Variants in GNL2 observed in about 807,000 individuals in gnomAD.
The protein encoded by GNL2 is nucleolar GTP-binding protein 2.
A neutral mutation model predicts 92.3 loss-of-function variants in GNL2; 51 were observed. The ratio of observed to expected loss-of-function variants is 0.55; its 90% CI spans 0.44 to 0.70. The LOEUF is 0.70. Among genes scored for constraint, GNL2 ranks in the 30% least tolerant of loss-of-function variants. The pLI, the probability that GNL2 is intolerant of heterozygous loss-of-function variation, is 0.00. For missense variants in GNL2, 844 were observed against 895.6 expected (o/e 0.94, Z 0.74); for synonymous variants, 283 against 300.6 (o/e 0.94, Z 0.61).
intron 7 of GNL2, 134 bp downstream of exon 7, chr1:37,582,644 A>C (rs1430876367): frequency 6.5e-6 from 5 of 771,490 alleles, no homozygotes; most frequent in Non-Finnish European, 1.0e-5. Context: ...ATCAATGAGC[A>C]CACTTTCGTG....
chr1:37,574,326 GC>G lies in GNL2; in HGVS notation c.1416+16del. 6.4e-7 allele frequency: 1 copy of G among 1,567,854 alleles called. No homozygotes were observed. Among genetic ancestry groups the G allele is most frequent in the Non-Finnish European group, 8.8e-7 (1 of 1,139,722 alleles). Reference sequence around the variant, plus strand: ...CAGGACCCATGCTCCCCAGAGGTGGGCCCACCCTGCTCTTACCTGGGGGGCC... The same window carrying G: ...CAGGACCCATGCTCCCCAGAGGTGGGCCACCCTGCTCTTACCTGGGGGGCC... On this transcript the variant is annotated intron_variant, in intron 12 of 15. Coordinates refer to ENST00000373062, the MANE Select transcript of GNL2 (RefSeq NM_013285.3).
intron 1 of GNL2, chr1:37,594,235 T>C (rs1019742861): frequency 6.0e-6 from 1 of 165,598 alleles, no homozygotes; most frequent in Middle Eastern, 2.7e-3. Flanking sequence ...GTCAAACCGT[T>C]ACTAAATGGC....
chr1:37,580,246 C>T (rs1643745471), intron 8 of GNL2, among the ~76,000 whole-genome samples: 1 of 152,072 alleles, frequency 6.6e-6, no homozygotes, highest in African/African-American at 2.4e-5. Context: ...TTACAGTGAG[C>T]TGTGGTTGTG....
rs1211394533 is a variant in GNL2 at position 37,575,293 on chromosome 1, A to G, written c.1143+302T>C. 1.3e-5 allele frequency among the ~76,000 whole-genome samples: 2 copies of G among 152,194 alleles called. No individual in the cohort carries two copies. Among genetic ancestry groups the G allele is most frequent in the Admixed American group, 1.3e-4 (2 of 15,282 alleles). On this transcript the variant is annotated intron_variant, in intron 10 of 15. Coordinates refer to ENST00000373062, the MANE Select transcript of GNL2 (RefSeq NM_013285.3). This position sits in a 1 kb window ranked among gnomAD's most constrained non-coding sequence, Gnocchi z 4.1. ...AAATGACTGGGTTCCAAAATGACTC[A>G]ACCCATAAACCCACGAAGACGAATT...
intron 1 of GNL2, 61 bp from the exon 2 acceptor site, chr1:37,593,907 C>T (rs1345543375): frequency 5.6e-6 from 7 of 1,257,626 alleles, no homozygotes; most frequent in Non-Finnish European, 8.0e-6. Flanking sequence ...ACCAACAAGT[C>T]ATTGCTTAAA....
At chr1:37,595,644 C>T (rs893714083) in intron 1 of GNL2, 115 bp downstream of exon 1, 3 of 846,800 alleles carry the variant, frequency 3.5e-6, no homozygotes, top group Non-Finnish European at 5.9e-6. Flanking sequence ...CCACCCCGCT[C>T]GTAGTCATTC....
chr1:37,567,019 G>C lies in GNL2; in HGVS notation c.2044-12C>G. 6.2e-7 allele frequency: 1 copy of C among 1,601,954 alleles called. No homozygotes were observed. The highest frequency in any genetic ancestry group is 8.5e-7 in the Non-Finnish European group (1 of 1,175,938). On this transcript the variant is annotated splice_polypyrimidine_tract_variant and intron_variant, in intron 15 of 15. Coordinates refer to ENST00000373062, the MANE Select transcript of GNL2 (RefSeq NM_013285.3). Reference sequence around the variant, plus strand: ...ACTGCTCGCCTCCGCTGTAAAAAATGGCAAGAAAAGATGAAGAAAAAAAAC... The same window carrying C: ...ACTGCTCGCCTCCGCTGTAAAAAATCGCAAGAAAAGATGAAGAAAAAAAAC...
intron 5 of GNL2, among the ~76,000 whole-genome samples, chr1:37,585,915 T>C (rs1318289177): frequency 1.3e-5 from 2 of 152,204 alleles, no homozygotes; most frequent in Non-Finnish European, 2.9e-5. Context: ...AATTAAACCC[T>C]TTCTCAAGAG....
intron 5 of GNL2, 58 bp from the exon 6 acceptor site, chr1:37,583,991 C>T: frequency 1.0e-6 from 1 of 980,510 alleles, no homozygotes; most frequent in South Asian, 1.3e-5. Context: ...TAAAAGGATG[C>T]TTTAGGGTAA....
In GNL2 at chr1:37,587,312, T is replaced by C; in HGVS notation, c.568A>G (p.Arg190Gly). 2 of 1,505,198 alleles carry C rather than the reference T, an allele frequency of 1.3e-6. No homozygotes were observed. Among genetic ancestry groups the C allele is most frequent in the Non-Finnish European group, 1.8e-6 (2 of 1,104,068 alleles). 93.2% of individuals were successfully genotyped at this position (1,505,198 alleles called of 1,614,324 possible). A position where few individuals can be genotyped will look rare whatever the true frequency, so the allele number is the denominator to read the frequency against. The change falls in exon 5 of 16, where the codon AGA becomes GGA. Residue 190 changes from arginine to glycine, a missense_variant and splice_region_variant. Coordinates refer to ENST00000373062, the MANE Select transcript of GNL2 (RefSeq NM_013285.3). Reference protein sequence around the residue: ...RDLVTEDTGVRNEAQEEIYKK... With the variant: ...RDLVTEDTGVGNEAQEEIYKK... ...AAAGAAGCAAAAAAAAAAATGTACC[T>C]CACACCAGTGTCTTCAGTTACCAAA...
chr1:37,576,420 C>G lies in GNL2; in HGVS notation c.1038+8G>C, dbSNP rs1643678317. 1 of 1,612,866 alleles carries G rather than the reference C, an allele frequency of 6.2e-7. No homozygotes were observed. Among genetic ancestry groups the G allele is most frequent in the African/African-American group, 1.3e-5 (1 of 74,898 alleles). On this transcript the variant is annotated splice_region_variant and intron_variant, in intron 9 of 15. Transcript: ENST00000373062. The stretch of plus-strand genomic sequence containing the variant: ...TGCAAAAGTAAGGTCACCCTGCGCC[C>G]AACGTACCTTTGTTTCACCTGCAAT...
At chr1:37,587,784 C>T (rs1290816741) in intron 4 of GNL2, among the ~76,000 whole-genome samples, 1 of 152,178 alleles carries the variant, frequency 6.6e-6, no homozygotes, top group African/African-American at 2.4e-5. Flanking sequence ...TTGCCAAAAA[C>T]TCTGCTTTAT....
chr1:37,581,605 C>T (rs1643768834), intron 8 of GNL2: 8 of 445,286 alleles, frequency 1.8e-5, no homozygotes, highest in South Asian at 1.1e-4. Context: ...AGCAAGAAAA[C>T]ACTTCAGAAT....
chr1:37,581,734 G>A (rs935964127), intron 8 of GNL2, among the ~76,000 whole-genome samples: 13 of 151,052 alleles, frequency 8.6e-5, no homozygotes, highest in African/African-American at 2.9e-4. Flanking sequence ...GCGCAATCTC[G>A]GCTCACGGCA....
chr1:37,591,797 G>A (rs1203667828), intron 3 of GNL2, among the ~76,000 whole-genome samples: 1 of 152,156 alleles, frequency 6.6e-6, no homozygotes, highest in Non-Finnish European at 1.5e-5. Context: ...GTGAGCCACT[G>A]CGCCCTGCCT....
At chr1:37,572,299 G>T (rs561979648) in intron 12 of GNL2, among the ~76,000 whole-genome samples, 3 of 152,274 alleles carry the variant, frequency 2.0e-5, no homozygotes, top group African/African-American at 7.2e-5. Context: ...CAAGCGATGG[G>T]TATCTTTTTT....
Position 37,576,546 on chromosome 1 carries a change from T to C in GNL2, c.920A>G (p.Asp307Gly). Residue 307 changes from aspartate to glycine, a missense_variant, in exon 9 of 16, where the codon GAC becomes GGC. Coordinates refer to ENST00000373062, the MANE Select transcript of GNL2 (RefSeq NM_013285.3). ...LLRQFGKLHT[D>G]KKQISVGFIG... is the part of the protein sequence containing the mutation. ...GAACCCAACACTGATCTGTTTCTTG[T>C]CAGTGTGCAACTGTTCAAAGAGAGA... 1 of 1,614,098 alleles carries C rather than the reference T, an allele frequency of 6.2e-7. No individual in the cohort carries two copies. Among genetic ancestry groups the C allele is most frequent in the Non-Finnish European group, 8.5e-7 (1 of 1,179,956 alleles).
chr1:37,570,624 C>T (rs1210824600), intron 12 of GNL2: 1 of 152,154 alleles, frequency 6.6e-6, no homozygotes, highest in Non-Finnish European at 1.5e-5. Context: ...TGGGATGACC[C>T]TTGTCAGATG....
chr1:37,582,935 A>C lies in GNL2; in HGVS notation c.638T>G (p.Val213Gly). Residue 213 changes from valine to glycine, a missense_variant and splice_region_variant, in exon 7 of 16, where the codon GTG becomes GGG. Val to Gly is a moderately radical substitution (Grantham distance 109, BLOSUM62 -3). Transcript: ENST00000373062. ...AACTACAACATCTGATGAATCTATC[A>C]CCTGAAAATTCAGAAAGGCAAAAAT... ...SKRIWGELYK[V>G]IDSSDVVVQV... The C allele has an allele frequency of 6.2e-7, 1 of 1,608,660 alleles. No individual in the cohort carries two copies. Among genetic ancestry groups the C allele is most frequent in the East Asian group, 2.2e-5 (1 of 44,810 alleles).
Sources: allele counts gnomAD v4.1 joint callset (sites outside exome capture counted in the v4.1 genomes callset), GRCh38; gene constraint gnomAD v4.1.1; non-coding constraint Gnocchi (gnomAD v3.1); transcripts MANE v1.5; gene names NCBI Gene and HGNC (gene_info 2026-07-23, HGNC 2026-07-21).